PWWP2A: variants seen among roughly 807,000 people sequenced by gnomAD.
PWWP2A encodes the protein PWWP domain containing 2A.
PWWP2A carries 18 observed loss-of-function variants against 48.5 expected under a neutral mutation model. That is an observed-to-expected ratio of 0.37 (90% CI 0.26 to 0.55). The LOEUF (loss-of-function observed/expected upper bound fraction) is 0.55. PWWP2A is among the 20% of genes least tolerant of loss of function. The probability of loss-of-function intolerance (pLI) is 0.81; values close to 1 mark genes in which losing one functional copy is unlikely to be tolerated. For synonymous variants in PWWP2A, 396 were observed against 387.7 expected (o/e 1.02, Z -0.25); for missense variants, 867 against 976.4 (o/e 0.89, Z 1.49).
intron 1 of PWWP2A, among the ~76,000 whole-genome samples, chr5:160,115,831 C>T (rs1758074975): frequency 6.6e-6 from 1 of 151,916 alleles, no homozygotes; most frequent in African/African-American, 2.4e-5. Context: ...ATAGCGAGAC[C>T]CTGCCTCCTA....
chr5:160,108,065 C>T, intron 1 of PWWP2A, among the ~76,000 whole-genome samples: 1 of 152,072 alleles, frequency 6.6e-6, no homozygotes, highest in East Asian at 1.9e-4. Flanking sequence ...GTGTATAACA[C>T]ATCTAGTGTA....
intron 1 of PWWP2A, 62 bp downstream of exon 1, chr5:160,118,743 C>G (rs1758402520): frequency 7.4e-7 from 1 of 1,346,216 alleles, no homozygotes; most frequent in East Asian, 3.1e-5. Flanking sequence ...AGGGGGCCGC[C>G]CGGGCTCACT....
intron 1 of PWWP2A, among the ~76,000 whole-genome samples, chr5:160,111,270 C>A (rs935853737): frequency 6.6e-6 from 1 of 152,088 alleles, no homozygotes; most frequent in Non-Finnish European, 1.5e-5. Context: ...CGGGTTCAAG[C>A]GATTCTCCTG....
intron 1 of PWWP2A, among the ~76,000 whole-genome samples, chr5:160,115,521 C>T (rs1185774574): frequency 2.6e-5 from 4 of 151,864 alleles, no homozygotes; most frequent in Non-Finnish European, 4.4e-5. Flanking sequence ...GTGAAACCCC[C>T]GTCTCTACTA....
chr5:160,055,495 G>C, the PWWP2A span, among the ~76,000 whole-genome samples: 1 of 152,198 alleles, frequency 6.6e-6, no homozygotes, highest in Non-Finnish European at 1.5e-5. Context: ...TGCAAAGCAA[G>C]TTAACCTTTT....
chr5:160,049,981 G>A, the PWWP2A span, among the ~76,000 whole-genome samples: 1 of 152,246 alleles, frequency 6.6e-6, no homozygotes, highest in Admixed American at 6.5e-5. Context: ...CGGGAGGCAG[G>A]AGAATTGCTT....
chr5:160,081,558 C>A (rs1227314446), intron 2 of PWWP2A, among the ~76,000 whole-genome samples: 2 of 152,044 alleles, frequency 1.3e-5, no homozygotes, highest in Non-Finnish European at 2.9e-5. Context: ...CCCTTTTTAG[C>A]AAAATGACCA....
In PWWP2A at chr5:160,092,420, G is replaced by A; in HGVS notation, c.2230C>T (p.Pro744Ser). The A allele has an allele frequency of 1.3e-6, 2 of 1,549,712 alleles. No homozygotes were observed. The highest frequency in any genetic ancestry group is 1.7e-6 in the Non-Finnish European group (2 of 1,146,420). The change falls in exon 2 of 2, where the codon CCC (proline) becomes TCC (serine). Residue 744 changes from proline (P) to serine (S), a missense_variant. By Grantham distance (74) the Pro-to-Ser change is moderately conservative. This residue lies in a region of PWWP2A where 97 missense variants were observed against 151.7 expected (regional missense o/e 0.64). Coordinates refer to ENST00000307063, the MANE Select transcript of PWWP2A (RefSeq NM_001130864.2). ...TGTGTCAACAAAGCCCGCACTTCGG[G>A]GGTCAGCTGCTTGGCAGCCTTAGCT... ...EAAKAAKQLT[P>S]EVRALLTQFE...
chr5:160,089,370 G>A (rs1355419414), downstream of PWWP2A: 1 of 350,014 alleles, frequency 2.9e-6, no homozygotes, highest in African/African-American at 2.2e-5. Flanking sequence ...GCCCAGCTAA[G>A]TTTTTATTTT....
chr5:160,082,218 G>A (rs1258833181), intron 2 of PWWP2A, among the ~76,000 whole-genome samples: 1 of 152,124 alleles, frequency 6.6e-6, no homozygotes, highest in Non-Finnish European at 1.5e-5. Flanking sequence ...GCCGAGGCGG[G>A]TGGATCACGA....
chr5:160,098,149 A>G (rs1054926858), intron 1 of PWWP2A, among the ~76,000 whole-genome samples: 1 of 152,238 alleles, frequency 6.6e-6, no homozygotes, highest in African/African-American at 2.4e-5. Context: ...AAGTTCAGTA[A>G]GAATGTTAAT....
chr5:160,080,807 AT>A (rs1162470954), intron 2 of PWWP2A: 1 of 1,476,194 alleles, frequency 6.8e-7, no homozygotes, highest in South Asian at 1.4e-5. Context: ...AAAATAAAGC[AT>A]TCGAGTTTTT....
intron 1 of PWWP2A, among the ~76,000 whole-genome samples, chr5:160,110,592 G>A (rs1357441913): frequency 6.6e-6 from 1 of 151,970 alleles, no homozygotes; most frequent in Non-Finnish European, 1.5e-5. Context: ...TGTAATCACA[G>A]CTACTCGGGA....
chr5:160,057,792 CAG>C (rs1757581152), downstream of PWWP2A, among the ~76,000 whole-genome samples: 1 of 152,124 alleles, frequency 6.6e-6, no homozygotes, highest in African/African-American at 2.4e-5. This position sits in a 1 kb window ranked among gnomAD's most constrained non-coding sequence, Gnocchi z 4.4. Flanking sequence ...GTGTGTGACA[CAG>C]AGCCTCATTC....
At chr5:160,112,992 A>G (rs1757747427) in intron 1 of PWWP2A, among the ~76,000 whole-genome samples, 1 of 152,158 alleles carries the variant, frequency 6.6e-6, no homozygotes, top group African/African-American at 2.4e-5. Flanking sequence ...CACTGTCTCT[A>G]CTAAAAATAC....
At chr5:160,045,773 C>T in the PWWP2A span, among the ~76,000 whole-genome samples, 63 of 151,998 alleles carry the variant, frequency 4.1e-4, no homozygotes, top group African/African-American at 1.4e-3. Context: ...GACAGAGACT[C>T]GCTCTGTTGC....
At chr5:160,068,108 A>C (rs1243775079) in intron 2 of PWWP2A, among the ~76,000 whole-genome samples, 4 of 151,774 alleles carry the variant, frequency 2.6e-5, no homozygotes, top group Non-Finnish European at 5.9e-5. Context: ...TTGAACCCAG[A>C]AGGCAGAGAT....
At chr5:160,081,500 A>C in intron 2 of PWWP2A, among the ~76,000 whole-genome samples, 1 of 152,162 alleles carries the variant, frequency 6.6e-6, no homozygotes, top group Non-Finnish European at 1.5e-5. Context: ...TCGGCCTCCC[A>C]AAGTGCTGGG....
rs535845137 is a variant in PWWP2A at position 160,066,049 on chromosome 5, G to A, written c.*236+499C>T. 9.2e-5 allele frequency among the ~76,000 whole-genome samples: 14 copies of A among 152,282 alleles called. 1 individual carries two copies. The South Asian group carries it at 2.9e-3, about 32-fold the overall frequency. The stretch of plus-strand genomic sequence containing the variant: ...TTCTGTAAGTGACATGCAGTAGTCA[G>A]TCATACTCCCAGTGTTAAGGACTAT... On this transcript the variant is annotated intron_variant and NMD_transcript_variant, in intron 4 of 5. Transcript: ENST00000524050.
Sources: gnomAD v4.1 joint callset for allele counts (sites outside exome capture counted in the v4.1 genomes callset) on GRCh38, gnomAD v4.1.1 for gene constraint, gnomAD v4.1.1 regional missense constraint, Gnocchi (gnomAD v3.1) non-coding constraint, MANE v1.5 for transcripts, NCBI Gene and HGNC (gene_info 2026-07-23, HGNC 2026-07-21) for gene names.